Variants in ATP6V1H observed in about 807,000 individuals in gnomAD.
ATP6V1H encodes the protein V-type proton ATPase subunit H.
ATP6V1H carries 39 observed loss-of-function variants against 71.7 expected under a neutral mutation model. That is an observed-to-expected ratio of 0.54 (90% CI 0.42 to 0.71). The LOEUF is 0.71. ATP6V1H is among the 30% of genes least tolerant of loss of function. The pLI, the probability that ATP6V1H is intolerant of heterozygous loss-of-function variation, is 0.00. For synonymous variants in ATP6V1H, 192 were observed against 199.3 expected, an observed-to-expected ratio of 0.96 and a Z score of 0.31; for missense variants, 509 against 594.9, an observed-to-expected ratio of 0.86 and a Z score of 1.50.
In ATP6V1H at chr8:53,841,801, A is replaced by C. The variant is rs1811351517; in HGVS notation, c.-35-76T>G. The stretch of plus-strand genomic sequence containing the variant: ...TACAACTATTAATATTATGATTATG[A>C]ATATCGTGATCACTTTAATCTCCCC... On this transcript the variant is annotated intron_variant, in intron 1 of 13. Transcript: ENST00000359530. The C allele has an allele frequency of 2.2e-6, 3 of 1,344,816 alleles. No homozygotes were observed. In the South Asian group the frequency reaches 4.5e-5, roughly 20 times the overall value. 83.3% of individuals were successfully genotyped at this position (1,344,816 alleles called of 1,614,324 possible). A position where few individuals can be genotyped will look rare whatever the true frequency, so the allele number is the denominator to read the frequency against.
At chr8:53,810,595 C>G (rs1810241490) in intron 7 of ATP6V1H, among the ~76,000 whole-genome samples, 1 of 152,062 alleles carries the variant, frequency 6.6e-6, no homozygotes, top group Non-Finnish European at 1.5e-5. Flanking sequence ...CAAAAATTAG[C>G]TGGGTGTGGT....
At chr8:53,790,742 G>GA (rs1162325283) in intron 9 of ATP6V1H, among the ~76,000 whole-genome samples, 1 of 152,168 alleles carries the variant, frequency 6.6e-6, no homozygotes, top group Non-Finnish European at 1.5e-5. Context: ...CCCAAATCAT[G>GA]AAGAGATGAG....
intron 12 of ATP6V1H, among the ~76,000 whole-genome samples, chr8:53,744,016 A>G (rs530140358): frequency 6.6e-6 from 1 of 152,270 alleles, no homozygotes; most frequent in African/African-American, 2.4e-5. Context: ...CGTTTTTATT[A>G]TCAGTATTTC....
intron 3 of ATP6V1H, among the ~76,000 whole-genome samples, chr8:53,831,296 T>C (rs2130523713): frequency 6.6e-6 from 1 of 152,316 alleles, no homozygotes; most frequent in South Asian, 2.1e-4. Context: ...AACCTATGGC[T>C]CCACACCTGT....
chr8:53,717,388 T>C (rs1170802941), intron 13 of ATP6V1H, among the ~76,000 whole-genome samples: 1 of 152,208 alleles, frequency 6.6e-6, no homozygotes, highest in Non-Finnish European at 1.5e-5. Flanking sequence ...CAAAGGCTGT[T>C]CATTTTTTAA....
rs1367340923 is a variant in ATP6V1H at position 53,756,610 on chromosome 8, C to T, written c.1222G>A (p.Ala408Thr). The change falls in exon 12 of 14, where the codon GCT (alanine) becomes ACT (threonine). Residue 408 changes from alanine (A) to threonine (T), a missense_variant. Coordinates refer to ENST00000359530, the MANE Select transcript of ATP6V1H (RefSeq NM_015941.4). ...LEVSDDPQVL[A>T]VAAHDVGEYV... The stretch of plus-strand genomic sequence containing the variant: ...TCTCCAACATCGTGAGCAGCAACAG[C>T]TAAGACTTGGGGATCATCTGACACT... 5.6e-6 allele frequency: 9 copies of T among 1,614,128 alleles called. No homozygotes were observed. Among genetic ancestry groups the T allele is most frequent in the Non-Finnish European group, 7.6e-6 (9 of 1,179,994 alleles).
intron 4 of ATP6V1H, among the ~76,000 whole-genome samples, chr8:53,821,396 A>G (rs927421338): frequency 6.6e-6 from 1 of 150,912 alleles, no homozygotes; most frequent in Non-Finnish European, 1.5e-5. Flanking sequence ...AAAGAGAGAG[A>G]GAGAGTCCAG....
chr8:53,829,221 C>T (rs1810915228), intron 4 of ATP6V1H, among the ~76,000 whole-genome samples: 1 of 152,202 alleles, frequency 6.6e-6, no homozygotes, highest in Non-Finnish European at 1.5e-5. Flanking sequence ...GAAAAATATA[C>T]ATATTGATTA....
At chr8:53,748,209 TA>T (rs1807674486) in intron 12 of ATP6V1H, among the ~76,000 whole-genome samples, 2 of 151,728 alleles carry the variant, frequency 1.3e-5, no homozygotes, top group African/African-American at 4.8e-5. Flanking sequence ...CAGTAAAATG[TA>T]AGCTCCATGG....
At chr8:53,797,836 C>T (rs995488305) in intron 8 of ATP6V1H, among the ~76,000 whole-genome samples, 14 of 151,582 alleles carry the variant, frequency 9.2e-5, no homozygotes, top group African/African-American at 3.4e-4. Context: ...CCATCTCTAT[C>T]AAAAAAACAT....
chr8:53,747,183 A>G (rs972605364), intron 12 of ATP6V1H, among the ~76,000 whole-genome samples: 8 of 152,348 alleles, frequency 5.3e-5, no homozygotes, highest in African/African-American at 1.9e-4. Context: ...TTTGTTTAGT[A>G]TTCTAAACAT....
intron 9 of ATP6V1H, among the ~76,000 whole-genome samples, chr8:53,775,853 C>A (rs1390709450): frequency 6.6e-6 from 1 of 152,248 alleles, no homozygotes; most frequent in Non-Finnish European, 1.5e-5. Context: ...GGGTCCCGCA[C>A]TGGGGCTGCA....
chr8:53,804,978 T>C (rs900788731), intron 7 of ATP6V1H, among the ~76,000 whole-genome samples: 2 of 152,242 alleles, frequency 1.3e-5, no homozygotes, highest in Admixed American at 6.5e-5. Context: ...CTGGTGAATG[T>C]GGTCTCAGAG....
At chr8:53,761,312 G>A (rs1585756535) in intron 11 of ATP6V1H, among the ~76,000 whole-genome samples, 1 of 151,620 alleles carries the variant, frequency 6.6e-6, no homozygotes, top group East Asian at 1.9e-4. Flanking sequence ...ACTCCAGCCT[G>A]GGCAACAGAG....
At chr8:53,781,764 G>C (rs1278843773) in intron 9 of ATP6V1H, among the ~76,000 whole-genome samples, 5 of 151,956 alleles carry the variant, frequency 3.3e-5, no homozygotes, top group African/African-American at 7.3e-5. Flanking sequence ...CATATGGCTA[G>C]CCAGTTTTCC....
At chr8:53,742,001 G>A (rs1257377266) in intron 13 of ATP6V1H, among the ~76,000 whole-genome samples, 2 of 152,108 alleles carry the variant, frequency 1.3e-5, no homozygotes, top group African/African-American at 4.8e-5. Context: ...TAGCCAAAGT[G>A]ACCCTTTCAA....
rs146295590 is a variant in ATP6V1H at position 53,822,192 on chromosome 8, A to G, written c.307-4662T>C. The stretch of plus-strand genomic sequence containing the variant: ...GGAAAAAATTTTAATGCAAAAATTT[A>G]GAGACTACTGTACACATAAGACATT... On this transcript the variant is annotated intron_variant, in intron 4 of 13. Coordinates refer to ENST00000359530, the MANE Select transcript of ATP6V1H (RefSeq NM_015941.4). 9.7e-4 allele frequency among the ~76,000 whole-genome samples: 148 copies of G among 152,332 alleles called. 1 individual carries two copies. The East Asian group carries it at 0.019, about 20-fold the overall frequency.
intron 13 of ATP6V1H, among the ~76,000 whole-genome samples, chr8:53,740,284 T>C (rs1807365827): frequency 6.6e-6 from 1 of 152,350 alleles, no homozygotes; most frequent in South Asian, 2.1e-4. Context: ...TTTAAATTCA[T>C]GGCAGAAAGT....
At chr8:53,820,205 AAGAGTACTGGT>A (rs1368776833) in intron 4 of ATP6V1H, among the ~76,000 whole-genome samples, 1 of 152,058 alleles carries the variant, frequency 6.6e-6, no homozygotes, top group Non-Finnish European at 1.5e-5. Flanking sequence ...GAAACTGAAA[AAGAGTACTGGT>A]AGACCAGAGC....
Sources: allele counts gnomAD v4.1 joint callset (sites outside exome capture counted in the v4.1 genomes callset), GRCh38; gene constraint gnomAD v4.1.1; transcripts MANE v1.5; gene names NCBI Gene and HGNC (gene_info 2026-07-23, HGNC 2026-07-21).